The following KCNB2 variants were observed in gnomAD, a reference collection of about 807,000 sequenced individuals.
KCNB2 encodes the protein delayed rectifier potassium channel protein.
KCNB2 carries 15 observed loss-of-function variants against 61.5 expected under a neutral mutation model. The ratio of observed to expected loss-of-function variants is 0.24; its 90% CI spans 0.16 to 0.38. The LOEUF (loss-of-function observed/expected upper bound fraction) is 0.38, where lower values mean the gene tolerates loss of function less well. Ranked by LOEUF, KCNB2 falls within the 10% of genes least tolerant of loss-of-function variation. The pLI is 1.00. For missense variants in KCNB2, 828 were observed against 1,125.2 expected (o/e 0.74, Z 3.78); for synonymous variants, 457 against 446.0 (o/e 1.02, Z -0.31).
chr8:72,679,087 C>A (rs942282958), intron 2 of KCNB2, among the ~76,000 whole-genome samples: 1 of 152,046 alleles, frequency 6.6e-6, no homozygotes, highest in African/African-American at 2.4e-5. Flanking sequence ...GAGTCTTGAG[C>A]TATAATCCTG....
intron 2 of KCNB2, among the ~76,000 whole-genome samples, chr8:72,822,029 G>A (rs1022693687): frequency 9.2e-5 from 14 of 152,022 alleles, no homozygotes; most frequent in East Asian, 1.9e-4. Flanking sequence ...AGCTCATCCC[G>A]TGCTACTTGC....
intron 1 of KCNB2, among the ~76,000 whole-genome samples, chr8:72,557,706 A>G (rs1043101084): frequency 2.6e-5 from 4 of 152,172 alleles, no homozygotes; most frequent in Non-Finnish European, 5.9e-5. Flanking sequence ...ATATCCACAG[A>G]CTAGGAGCTT....
Position 72,937,087 on chromosome 8 carries a change from G to T in KCNB2, c.1732G>T (p.Glu578Ter). The T allele has an allele frequency of 6.2e-7, 1 of 1,614,174 alleles. No individual in the cohort carries two copies. Among genetic ancestry groups the T allele is most frequent in the Non-Finnish European group, 8.5e-7 (1 of 1,180,034 alleles). ...ATATGAAGAAGAGATTGAAATGGAA[G>T]AAGTGGTGTGTCCACAGGAGCAGCT... ...SAYEEEIEME[E>*]VVCPQEQLAV... is the part of the protein sequence containing the mutation. The change falls in exon 3 of 3, where the codon GAA (glutamate) becomes TAA (stop). Residue 578 changes from glutamate to a stop codon, truncating the protein, a stop_gained. Transcript: ENST00000523207. LOFTEE classifies it high-confidence loss of function.
At position 72,863,851 on chromosome 8, in the gene KCNB2, A is replaced by T. The variant is rs1251443526; in HGVS notation, c.580-72084A>T. Among the ~76,000 whole-genome samples the T allele has an allele frequency of 3.3e-5, 5 of 152,350 alleles. No individual in the cohort carries two copies. The East Asian group carries it at 7.7e-4, about 24-fold the overall frequency. On this transcript the variant is annotated intron_variant, in intron 2 of 2. Coordinates refer to ENST00000523207, the MANE Select transcript of KCNB2 (RefSeq NM_004770.3). Reference sequence around the variant, plus strand: ...ATGGCGAAACCTCGTCTCTACAAAAAAAAATAGCCAGGTGTGGTGGCATGT... The same window carrying T: ...ATGGCGAAACCTCGTCTCTACAAAATAAAATAGCCAGGTGTGGTGGCATGT...
At chr8:72,572,970 G>A (rs1806737658) in intron 2 of KCNB2, among the ~76,000 whole-genome samples, 1 of 152,128 alleles carries the variant, frequency 6.6e-6, no homozygotes, top group Non-Finnish European at 1.5e-5. Flanking sequence ...AGCCATCCTT[G>A]GATCAAGTCG....
At chr8:72,829,818 T>A (rs535992072) in intron 2 of KCNB2, among the ~76,000 whole-genome samples, 1 of 152,208 alleles carries the variant, frequency 6.6e-6, no homozygotes, top group South Asian at 2.1e-4. Flanking sequence ...TGTCTGAAAT[T>A]AAAATGTCTT....
rs528805249 is a variant in KCNB2 at position 72,770,840 on chromosome 8, T to A, written c.580-165095T>A. Among the ~76,000 whole-genome samples the A allele has an allele frequency of 2.6e-5, 4 of 152,362 alleles. No individual in the cohort carries two copies. The East Asian group carries it at 7.7e-4, about 29-fold the overall frequency. On this transcript the variant is annotated intron_variant, in intron 2 of 2. Coordinates refer to ENST00000523207, the MANE Select transcript of KCNB2 (RefSeq NM_004770.3). ...TACTGCAAATAATTATGTGTATTCATTGTGTATAAAAGCTTCAGAACTGAG... is the reference window on the plus strand; with the variant it reads ...TACTGCAAATAATTATGTGTATTCAATGTGTATAAAAGCTTCAGAACTGAG...
At chr8:72,913,235 C>T (rs962625412) in intron 2 of KCNB2, among the ~76,000 whole-genome samples, 1 of 152,066 alleles carries the variant, frequency 6.6e-6, no homozygotes, top group Non-Finnish European at 1.5e-5. Flanking sequence ...AGAGCATGAT[C>T]GAACAGAGAC....
At chr8:72,590,029 C>T (rs1332304251) in intron 2 of KCNB2, among the ~76,000 whole-genome samples, 2 of 151,842 alleles carry the variant, frequency 1.3e-5, no homozygotes, top group Non-Finnish European at 2.9e-5. Flanking sequence ...ACAAATTTCA[C>T]TGACGTATAG....
intron 2 of KCNB2, among the ~76,000 whole-genome samples, chr8:72,784,253 C>A (rs1230414446): frequency 6.6e-6 from 1 of 152,144 alleles, no homozygotes; most frequent in Non-Finnish European, 1.5e-5. Flanking sequence ...AGCTCCCCAA[C>A]CACCACCCAC....
chr8:72,871,882 A>G (rs1264474028), intron 2 of KCNB2, among the ~76,000 whole-genome samples: 1 of 152,238 alleles, frequency 6.6e-6, no homozygotes, highest in Middle Eastern at 3.2e-3. Context: ...GTTTCAACTC[A>G]TATGGTATCT....
chr8:72,732,733 A>C (rs1395798421), intron 2 of KCNB2, among the ~76,000 whole-genome samples: 1 of 152,196 alleles, frequency 6.6e-6, no homozygotes, highest in African/African-American at 2.4e-5. Context: ...GCTTGAGATT[A>C]ATATTAAGTA....
intron 2 of KCNB2, among the ~76,000 whole-genome samples, chr8:72,725,533 A>ATG: frequency 4.3e-5 from 1 of 23,128 alleles, no homozygotes; most frequent in African/African-American, 2.4e-4. Flanking sequence ...ATATATATAT[A>ATG]TATATATGTG....
intron 2 of KCNB2, among the ~76,000 whole-genome samples, chr8:72,593,019 C>T (rs753603093): frequency 2.0e-5 from 3 of 152,022 alleles, no homozygotes; most frequent in Non-Finnish European, 2.9e-5. Flanking sequence ...AATTTGTAGA[C>T]TTTTATTTTA....
rs1563523589 is a variant in KCNB2 at position 72,561,770 on chromosome 8, TATATATGGATATATATATAC to T, written c.-93-5865_-93-5846del. On this transcript the variant is annotated intron_variant, in intron 1 of 2. Transcript: ENST00000523207. ...ATGTATATATATATATGGATATATA[TATATATGGATATATATATAC>T]ATATATATATATATGAATGATAGTT... 1.6e-3 allele frequency among the ~76,000 whole-genome samples: 49 copies of T among 31,174 alleles called. 5 individuals carry two copies. The highest frequency in any genetic ancestry group is 5.9e-3 in the African/African-American group (37 of 6,240). 20.5% of individuals were successfully genotyped at this position (31,174 alleles called of 152,430 possible).
At chr8:72,686,512 C>A (rs974840689) in intron 2 of KCNB2, among the ~76,000 whole-genome samples, 4 of 152,016 alleles carry the variant, frequency 2.6e-5, no homozygotes, top group African/African-American at 9.7e-5. Context: ...CACACCTGGC[C>A]AGGCAATTTT....
intron 2 of KCNB2, among the ~76,000 whole-genome samples, chr8:72,713,690 T>TAAAACCGCAAAGATGGGGAA (rs1331644275): frequency 1.3e-5 from 2 of 152,044 alleles, no homozygotes; most frequent in Non-Finnish European, 2.9e-5. Flanking sequence ...CAAAGGTAGA[T>TAAAACCGCAAAGATGGGGAA]AAAACCGCAA....
chr8:72,728,288 C>T (rs1218357088), intron 2 of KCNB2, among the ~76,000 whole-genome samples: 1 of 152,136 alleles, frequency 6.6e-6, no homozygotes, highest in Non-Finnish European at 1.5e-5. Flanking sequence ...ATTTATAATG[C>T]TTTCATTTAG....
chr8:72,737,690 G>A (rs181203291), intron 2 of KCNB2, among the ~76,000 whole-genome samples: 9 of 152,268 alleles, frequency 5.9e-5, no homozygotes, highest in Admixed American at 5.2e-4. Flanking sequence ...GTAGTTGGAC[G>A]TGGCAATGGG....
Sources: allele counts gnomAD v4.1 joint callset (sites outside exome capture counted in the v4.1 genomes callset), GRCh38; gene constraint gnomAD v4.1.1; transcripts MANE v1.5; gene names NCBI Gene and HGNC (gene_info 2026-07-23, HGNC 2026-07-21).